NUDCD3: variants seen among roughly 807,000 people sequenced by gnomAD.
NUDCD3 encodes NudC domain containing 3.
Under a neutral mutation model 39.7 loss-of-function variants are expected in NUDCD3, and 13 were observed. That is an observed-to-expected ratio of 0.33 (90% confidence interval 0.21 to 0.52). The LOEUF (loss-of-function observed/expected upper bound fraction) is 0.52. Among genes scored for constraint, NUDCD3 ranks in the 20% least tolerant of loss-of-function variants. The pLI, the probability that NUDCD3 is intolerant of heterozygous loss-of-function variation, is 0.96. For synonymous variants in NUDCD3, 175 were observed against 172.4 expected (o/e 1.02, Z -0.12); for missense variants, 453 against 458.1 (o/e 0.99, Z 0.10).
rs1798289748 is a variant in NUDCD3 at position 44,380,599 on chromosome 7, A to G, written c.*5412T>C. 6.6e-6 allele frequency: 1 copy of G among 152,148 alleles called. No individual in the cohort carries two copies. Among genetic ancestry groups the G allele is most frequent in the Admixed American group, 6.5e-5 (1 of 15,278 alleles). 9.4% of individuals were successfully genotyped at this position (152,148 alleles called of 1,614,324 possible). A position where few individuals can be genotyped will look rare whatever the true frequency, so the allele number is the denominator to read the frequency against. Reference sequence around the variant, plus strand: ...CTTGGGATTTGCCTGCAGGCTAGGCACACCTGGTAAATGAGGTCTCCACAC... The same window carrying G: ...CTTGGGATTTGCCTGCAGGCTAGGCGCACCTGGTAAATGAGGTCTCCACAC... On this transcript the variant is annotated 3_prime_UTR_variant, in exon 6 of 6. Coordinates refer to ENST00000355451, the MANE Select transcript of NUDCD3 (RefSeq NM_015332.4).
At chr7:44,474,943 G>A (rs1800332654) in intron 2 of NUDCD3, among the ~76,000 whole-genome samples, 1 of 152,084 alleles carries the variant, frequency 6.6e-6, no homozygotes, top group Non-Finnish European at 1.5e-5. Context: ...ATCCCCAGGT[G>A]GGGTCCACAG....
At chr7:44,471,236 A>T (rs1016856727) in intron 2 of NUDCD3, among the ~76,000 whole-genome samples, 3 of 152,262 alleles carry the variant, frequency 2.0e-5, no homozygotes, top group Admixed American at 1.3e-4. Context: ...TTGCATATGC[A>T]CGTCCTCATG....
intron 2 of NUDCD3, among the ~76,000 whole-genome samples, chr7:44,481,904 G>C (rs937762875): frequency 6.6e-6 from 1 of 152,132 alleles, no homozygotes; most frequent in Non-Finnish European, 1.5e-5. Flanking sequence ...TCCACCATTT[G>C]AGGACACAGC....
At chr7:44,483,955 G>A (rs1369905773) in intron 2 of NUDCD3, among the ~76,000 whole-genome samples, 7 of 152,100 alleles carry the variant, frequency 4.6e-5, no homozygotes, top group Admixed American at 2.0e-4. Context: ...CATATATTGC[G>A]CTATGATCAC....
chr7:44,388,425 A>G (rs181644490), intron 5 of NUDCD3, among the ~76,000 whole-genome samples: 36 of 152,348 alleles, frequency 2.4e-4, no homozygotes, highest in African/African-American at 7.5e-4. Flanking sequence ...AACCTGCTAC[A>G]TGAGGCCACA....
At chr7:44,475,905 A>C (rs776891642) in intron 2 of NUDCD3, among the ~76,000 whole-genome samples, 2 of 152,252 alleles carry the variant, frequency 1.3e-5, no homozygotes, top group Non-Finnish European at 2.9e-5. Context: ...ATTGAGTATA[A>C]TCAGAAAGAA....
intron 2 of NUDCD3, among the ~76,000 whole-genome samples, chr7:44,429,748 A>G (rs778281241): frequency 6.6e-5 from 10 of 152,130 alleles, no homozygotes; most frequent in Non-Finnish European, 1.3e-4. Flanking sequence ...CCACTGTGGG[A>G]CAGAGAGATG....
At chr7:44,453,155 C>T (rs964014852) in intron 2 of NUDCD3, among the ~76,000 whole-genome samples, 4 of 152,076 alleles carry the variant, frequency 2.6e-5, no homozygotes, top group South Asian at 2.1e-4. Flanking sequence ...GAGTTTGAGA[C>T]GAGCCTGGCC....
intron 3 of NUDCD3, among the ~76,000 whole-genome samples, chr7:44,415,742 C>G (rs1354279658): frequency 6.6e-6 from 1 of 152,166 alleles, no homozygotes; most frequent in African/African-American, 2.4e-5. Flanking sequence ...TCCACAGCCC[C>G]AACACAAACA....
chr7:44,396,866 T>C (rs551942201), intron 4 of NUDCD3, among the ~76,000 whole-genome samples: 18 of 152,318 alleles, frequency 1.2e-4, no homozygotes, highest in Admixed American at 5.9e-4. Context: ...AGGACATGGG[T>C]ACAATGTTCC....
At chr7:44,466,363 T>C (rs1800118737) in intron 2 of NUDCD3, among the ~76,000 whole-genome samples, 2 of 152,196 alleles carry the variant, frequency 1.3e-5, no homozygotes, top group African/African-American at 4.8e-5. Flanking sequence ...TTTCCTTTCT[T>C]ACTCAGAACT....
At chr7:44,468,859 T>C (rs1203729886) in intron 2 of NUDCD3, among the ~76,000 whole-genome samples, 1 of 152,006 alleles carries the variant, frequency 6.6e-6, no homozygotes, top group Non-Finnish European at 1.5e-5. Context: ...AAGAGGCCAC[T>C]TGAGCAATTA....
chr7:44,487,000 C>A (rs1448667829), intron 1 of NUDCD3, among the ~76,000 whole-genome samples: 1 of 152,140 alleles, frequency 6.6e-6, no homozygotes, highest in African/African-American at 2.4e-5. Flanking sequence ...CAAGATTTCT[C>A]AACAATTTAT....
intron 2 of NUDCD3, among the ~76,000 whole-genome samples, chr7:44,431,054 T>C (rs945466218): frequency 6.6e-6 from 1 of 152,222 alleles, no homozygotes; most frequent in Non-Finnish European, 1.5e-5. Context: ...TGTTGGGTGC[T>C]TTTTATAGTG....
chr7:44,430,561 C>T (rs1799341158), intron 2 of NUDCD3, among the ~76,000 whole-genome samples: 1 of 139,434 alleles, frequency 7.2e-6, no homozygotes, highest in Non-Finnish European at 1.6e-5. Context: ...TACCCACACA[C>T]ACACACACTC....
chr7:44,413,605 C>A (rs1798969432), intron 3 of NUDCD3, among the ~76,000 whole-genome samples: 1 of 152,210 alleles, frequency 6.6e-6, no homozygotes, highest in Admixed American at 6.5e-5. Flanking sequence ...CACATAGATA[C>A]TATTTTTCAT....
At chr7:44,404,621 G>T (rs995312032) in intron 3 of NUDCD3, 38 bp from the exon 4 acceptor site, 13 of 1,606,862 alleles carry the variant, frequency 8.1e-6, no homozygotes, top group Admixed American at 1.7e-5. Flanking sequence ...TCTCCTATCA[G>T]GGTGACCACT....
intron 2 of NUDCD3, among the ~76,000 whole-genome samples, chr7:44,476,598 T>C (rs370388432): frequency 1.3e-5 from 2 of 152,174 alleles, no homozygotes; most frequent in African/African-American, 4.8e-5. Flanking sequence ...CTGTCAGCAA[T>C]AAATGTCTGT....
intron 2 of NUDCD3, among the ~76,000 whole-genome samples, chr7:44,431,933 T>C (rs1251406282): frequency 2.0e-5 from 3 of 152,074 alleles, no homozygotes; most frequent in African/African-American, 7.2e-5. Context: ...CAGCCTCCCA[T>C]AGTGCTGGGA....
Sources: allele counts gnomAD v4.1 joint callset (sites outside exome capture counted in the v4.1 genomes callset), GRCh38; gene constraint gnomAD v4.1.1; transcripts MANE v1.5; gene names NCBI Gene and HGNC (gene_info 2026-07-23, HGNC 2026-07-21).